The following SRFBP1 variants were observed in gnomAD, a reference collection of about 807,000 sequenced individuals.
SRFBP1 encodes the protein serum response factor-binding protein 1.
Under a neutral mutation model 45.5 loss-of-function variants are expected in SRFBP1, and 47 were observed. The ratio of observed to expected loss-of-function variants is 1.03; its 90% CI spans 0.82 to 1.32. SRFBP1 has a LOEUF of 1.32. SRFBP1 is among the 40% of genes most tolerant of loss of function. SRFBP1 has a pLI of 0.00. For synonymous variants in SRFBP1, 203 were observed against 166.3 expected (o/e 1.22, Z -1.70); for missense variants, 621 against 484.6 (o/e 1.28, Z -2.64).
intron 2 of SRFBP1, among the ~76,000 whole-genome samples, chr5:122,035,070 A>G (rs1218647854): frequency 6.6e-6 from 1 of 150,772 alleles, no homozygotes; most frequent in East Asian, 1.9e-4. Context: ...TGTTTTTTCT[A>G]TTACCCTTTC....
chr5:122,046,535 G>T (rs533362964), intron 2 of SRFBP1, among the ~76,000 whole-genome samples: 2 of 152,280 alleles, frequency 1.3e-5, no homozygotes, highest in South Asian at 4.2e-4. Flanking sequence ...ATAGCAGCAT[G>T]ATTTATAATC....
intron 3 of SRFBP1, among the ~76,000 whole-genome samples, chr5:121,991,958 G>A (rs1263107775): frequency 6.6e-6 from 1 of 152,110 alleles, no homozygotes; most frequent in Admixed American, 6.6e-5. Flanking sequence ...TAAGGTAAAT[G>A]TCTAATTATT....
chr5:122,023,437 G>T (rs1343713089), intron 7 of SRFBP1, among the ~76,000 whole-genome samples: 1 of 152,226 alleles, frequency 6.6e-6, no homozygotes, highest in Non-Finnish European at 1.5e-5. Context: ...GTACCAAAAA[G>T]AAATTCATAC....
At chr5:122,037,889 A>C (rs1243293470) in intron 2 of SRFBP1, among the ~76,000 whole-genome samples, 2 of 152,166 alleles carry the variant, frequency 1.3e-5, no homozygotes, top group East Asian at 3.9e-4. Flanking sequence ...TGCTTTATCA[A>C]ACCAATTAGT....
chr5:122,064,470 C>T (rs923909495), intron 2 of SRFBP1: 22 of 150,994 alleles, frequency 1.5e-4, no homozygotes, highest in African/African-American at 5.1e-4. Flanking sequence ...TCAAAATTAA[C>T]CAAATAGTAG....
chr5:122,067,206 CTG>C (rs1754324317), intron 2 of SRFBP1, among the ~76,000 whole-genome samples: 1 of 152,022 alleles, frequency 6.6e-6, no homozygotes. Flanking sequence ...TCAAATATTA[CTG>C]TCTTTAAATG....
chr5:121,965,818 A>G (rs1448601214), intron 1 of SRFBP1, among the ~76,000 whole-genome samples: 2 of 152,224 alleles, frequency 1.3e-5, no homozygotes, highest in African/African-American at 4.8e-5. Context: ...CTTCCTATCT[A>G]TGAGCATGGA....
intron 4 of SRFBP1, among the ~76,000 whole-genome samples, chr5:121,999,097 C>G (rs1752799482): frequency 6.6e-6 from 1 of 152,060 alleles, no homozygotes; most frequent in Non-Finnish European, 1.5e-5. Context: ...TAGACCTTTT[C>G]TAATAAAAGC....
intron 2 of SRFBP1, 52 bp from the exon 3 acceptor site, chr5:121,975,263 A>G (rs941974894): frequency 5.1e-6 from 8 of 1,562,236 alleles, no homozygotes; most frequent in African/African-American, 1.4e-5. Flanking sequence ...TTACACTATA[A>G]GTCTAAAATT....
intron 2 of SRFBP1, among the ~76,000 whole-genome samples, chr5:122,048,015 T>C (rs1198838192): frequency 6.6e-6 from 1 of 152,182 alleles, no homozygotes; most frequent in Non-Finnish European, 1.5e-5. Flanking sequence ...ACTTTCTCTT[T>C]TCCTAATTGA....
chr5:121,993,174 A>C (rs531852175), intron 3 of SRFBP1, among the ~76,000 whole-genome samples: 2 of 152,224 alleles, frequency 1.3e-5, no homozygotes, highest in East Asian at 3.9e-4. Context: ...GTTGATTTTG[A>C]ACCTTCACAT....
chr5:121,962,418 C>G (rs970682525), intron 1 of SRFBP1, among the ~76,000 whole-genome samples: 2 of 152,166 alleles, frequency 1.3e-5, no homozygotes, highest in Non-Finnish European at 2.9e-5. Context: ...AAGTGCCTGA[C>G]CCTTAATAAA....
intron 3 of SRFBP1, among the ~76,000 whole-genome samples, chr5:121,991,548 C>G (rs577704174): frequency 6.4e-4 from 97 of 152,226 alleles, no homozygotes; most frequent in African/African-American, 1.9e-3. Context: ...AAGGTGCTAT[C>G]TGTGCAATTG....
chr5:122,050,157 T>G (rs982907302), intron 2 of SRFBP1, among the ~76,000 whole-genome samples: 1 of 152,192 alleles, frequency 6.6e-6, no homozygotes, highest in Non-Finnish European at 1.5e-5. Flanking sequence ...AGTATTTTCT[T>G]GAGGATTTTT....
At chr5:121,970,528 A>G (rs1457809020) in intron 1 of SRFBP1, among the ~76,000 whole-genome samples, 1 of 151,148 alleles carries the variant, frequency 6.6e-6, no homozygotes, top group African/African-American at 2.4e-5. Context: ...CTGTTTATGC[A>G]ACGTGGCCGT....
rs191700606 is a variant in SRFBP1, at chr5:122,015,266, C to T, written c.271-3994C>T. Reference sequence around the variant, plus strand: ...TCATTGGATACCAAATTGTTTCTACCAAGACAGAATCTCAAATTGTGTTAC... The same window carrying T: ...TCATTGGATACCAAATTGTTTCTACTAAGACAGAATCTCAAATTGTGTTAC... On this transcript the variant is annotated intron_variant, in intron 4 of 7. Transcript: ENST00000339397. Among the ~76,000 whole-genome samples the T allele has an allele frequency of 2.0e-5, 3 of 152,214 alleles. No individual in the cohort carries two copies. In the East Asian group the frequency reaches 5.8e-4, roughly 29 times the overall value.
chr5:121,986,295 A>T (rs1002216639), intron 3 of SRFBP1, among the ~76,000 whole-genome samples: 1 of 152,040 alleles, frequency 6.6e-6, no homozygotes, highest in Admixed American at 6.6e-5. Context: ...AGACTTATTC[A>T]TTAGATTTAG....
chr5:122,028,935 T>C (rs899235507), downstream of SRFBP1, among the ~76,000 whole-genome samples: 1 of 152,206 alleles, frequency 6.6e-6, no homozygotes, highest in African/African-American at 2.4e-5. Flanking sequence ...TTAGATTTTG[T>C]TACAAGTACT....
intron 2 of SRFBP1, among the ~76,000 whole-genome samples, chr5:122,045,616 A>G (rs1753842732): frequency 6.6e-6 from 1 of 152,142 alleles, no homozygotes; most frequent in Non-Finnish European, 1.5e-5. Flanking sequence ...TTTTTGTGGT[A>G]ATTGTGAATG....
Sources: gnomAD v4.1 joint callset for allele counts (sites outside exome capture counted in the v4.1 genomes callset) on GRCh38, gnomAD v4.1.1 for gene constraint, MANE v1.5 for transcripts, NCBI Gene and HGNC (gene_info 2026-07-23, HGNC 2026-07-21) for gene names.